DCAF8L2: variants seen among roughly 807,000 people sequenced by gnomAD.
The protein encoded by DCAF8L2 is DDB1 and CUL4 associated factor 8 like 2.
For missense variants in DCAF8L2, 430 were observed against 490.7 expected, an observed-to-expected ratio of 0.88 and a Z score of 1.17; for synonymous variants, 200 against 190.9, an observed-to-expected ratio of 1.05 and a Z score of -0.39.
At chrX:27,492,116 A>G in the DCAF8L2 span, among the ~76,000 whole-genome samples, 5 of 112,214 alleles carry the variant, frequency 4.5e-5, no homozygotes, top group Admixed American at 1.9e-4. Flanking sequence ...TTCTCTCTCA[A>G]TTGCTTTGTC....
the DCAF8L2 span, among the ~76,000 whole-genome samples, chrX:27,563,702 T>G: frequency 1.8e-5 from 2 of 112,333 alleles, no homozygotes; most frequent in South Asian, 3.6e-4. Flanking sequence ...GAATTTTAAT[T>G]TCTACCTTAA....
chrX:27,508,224 A>G, the DCAF8L2 span, among the ~76,000 whole-genome samples: 1 of 111,806 alleles, frequency 8.9e-6, no homozygotes, highest in Non-Finnish European at 1.9e-5. Flanking sequence ...TGATCTATTC[A>G]CTTCAGTGCT....
intron 1 of DCAF8L2, among the ~76,000 whole-genome samples, chrX:27,612,414 T>C (rs1293225243): frequency 8.9e-6 from 1 of 112,239 alleles, no homozygotes; most frequent in African/African-American, 3.2e-5. Context: ...ACTATGACGG[T>C]AGTTTCTTTT....
intron 4 of DCAF8L2, among the ~76,000 whole-genome samples, chrX:27,741,428 A>G (rs770790089): frequency 8.4e-3 from 168 of 20,041 alleles, no homozygotes; most frequent in African/African-American, 0.035. Context: ...CCCATGCCCC[A>G]GCACCATGGC....
intron 3 of DCAF8L2, among the ~76,000 whole-genome samples, chrX:27,682,609 T>C (rs1407326320): frequency 2.7e-5 from 3 of 111,158 alleles, no homozygotes; most frequent in South Asian, 3.8e-4. Context: ...TTGTTTATAG[T>C]TGTAGATTAA....
chrX:27,587,985 A>AAAAAAAAAATATATATATATATATAT, upstream of DCAF8L2, among the ~76,000 whole-genome samples: 1 of 22,369 alleles, frequency 4.5e-5, no homozygotes, highest in African/African-American at 9.8e-5. Flanking sequence ...TAAAAAAAAA[A>AAAAAAAAAATATATATATATATATAT]ATATATATAT....
chrX:27,473,840 T>C, the DCAF8L2 span, among the ~76,000 whole-genome samples: 7 of 111,884 alleles, frequency 6.3e-5, no homozygotes, highest in South Asian at 1.1e-3. Flanking sequence ...CTGCTTTTCA[T>C]TTTAATTCAA....
chrX:27,608,698 CTTT>C (rs773443796), intron 1 of DCAF8L2, among the ~76,000 whole-genome samples: 1 of 104,858 alleles, frequency 9.5e-6, no homozygotes, highest in African/African-American at 3.4e-5. Flanking sequence ...TCCTGAACAT[CTTT>C]TTTTTTTTCT....
At chrX:27,704,214 G>A (rs373600804) in intron 3 of DCAF8L2, among the ~76,000 whole-genome samples, 817 of 75,294 alleles carry the variant, frequency 0.011, 2 homozygotes, top group Middle Eastern at 0.014. Context: ...ATGTACACAC[G>A]CGCGCACATG....
At chrX:27,510,434 A>G in the DCAF8L2 span, among the ~76,000 whole-genome samples, 7 of 108,643 alleles carry the variant, frequency 6.4e-5, no homozygotes, top group South Asian at 7.8e-4. Context: ...AAAACTTCCC[A>G]GACTCACATA....
At chrX:27,623,820 A>G (rs1029495681) in intron 1 of DCAF8L2, among the ~76,000 whole-genome samples, 1 of 111,567 alleles carries the variant, frequency 9.0e-6, no homozygotes, top group African/African-American at 3.3e-5. Context: ...CTTTCACACC[A>G]ATTTTGTTTG....
the DCAF8L2 span, among the ~76,000 whole-genome samples, chrX:27,567,171 A>G: frequency 9.0e-6 from 1 of 110,878 alleles, no homozygotes; most frequent in South Asian, 3.8e-4. Context: ...AGAATGTTCC[A>G]TGTGCACTTG....
At chrX:27,563,811 A>G in the DCAF8L2 span, among the ~76,000 whole-genome samples, 391 of 112,284 alleles carry the variant, frequency 3.5e-3, 1 homozygote, top group African/African-American at 0.011. Context: ...ACACACTTAT[A>G]TATTGCTTAC....
chrX:27,619,054 C>CTTA (rs1241790316), intron 1 of DCAF8L2, among the ~76,000 whole-genome samples: 3 of 104,453 alleles, frequency 2.9e-5, no homozygotes, highest in Non-Finnish European at 3.9e-5. Flanking sequence ...TATCTTATAT[C>CTTA]TATCTATCTA....
At chrX:27,587,689 G>A (rs755395611), upstream of DCAF8L2, among the ~76,000 whole-genome samples, 462 of 111,094 alleles carry the variant, frequency 4.2e-3, 1 homozygote, top group Middle Eastern at 9.6e-3. Context: ...TAGTTAGTGG[G>A]TTGACAAACT....
the DCAF8L2 span, among the ~76,000 whole-genome samples, chrX:27,540,395 C>T: frequency 9.0e-6 from 1 of 111,470 alleles, no homozygotes; most frequent in Non-Finnish European, 1.9e-5. Context: ...AATGCAGAAG[C>T]AGCCAAACAG....
the DCAF8L2 span, among the ~76,000 whole-genome samples, chrX:27,478,224 T>C: frequency 8.9e-6 from 1 of 112,417 alleles, no homozygotes; most frequent in Non-Finnish European, 1.9e-5. Context: ...CAGTAGCAGT[T>C]CTAATTATGT....
intron 2 of DCAF8L2, among the ~76,000 whole-genome samples, chrX:27,644,462 T>C (rs1019702788): frequency 1.1e-4 from 12 of 111,196 alleles, no homozygotes; most frequent in African/African-American, 3.6e-4. Flanking sequence ...CTCAGTAATA[T>C]AGGTCACATC....
chrX:27,552,574 C>T, the DCAF8L2 span, among the ~76,000 whole-genome samples: 1 of 111,865 alleles, frequency 8.9e-6, no homozygotes, highest in African/African-American at 3.2e-5. Context: ...AATGTGTTCT[C>T]TTGGTGCCTT....
Sources: allele counts gnomAD v4.1 joint callset (sites outside exome capture counted in the v4.1 genomes callset), GRCh38; gene constraint gnomAD v4.1.1; transcripts MANE v1.5; gene names NCBI Gene and HGNC (gene_info 2026-07-23, HGNC 2026-07-21).